COL19A1: variants seen among roughly 807,000 people sequenced by gnomAD.
COL19A1 encodes the protein collagen type XIX alpha 1 chain, also known as collagen alpha-1(XIX) chain.
COL19A1 carries 159 observed loss-of-function variants against 190.2 expected under a neutral mutation model. That is an observed-to-expected ratio of 0.84 (90% confidence interval 0.73 to 0.95). The LOEUF (loss-of-function observed/expected upper bound fraction) is 0.95. COL19A1 is among the 40% of genes least tolerant of loss of function. COL19A1 has a pLI of 0.00. For synonymous variants in COL19A1, 509 were observed against 458.9 expected, an observed-to-expected ratio of 1.11 and a Z score of -1.39; for missense variants, 1,418 against 1,431.9, an observed-to-expected ratio of 0.99 and a Z score of 0.16.
intron 44 of COL19A1, among the ~76,000 whole-genome samples, chr6:70,182,663 A>G (rs917004286): frequency 1.3e-5 from 2 of 152,208 alleles, no homozygotes; most frequent in Non-Finnish European, 2.9e-5. Flanking sequence ...CTGTTTTAAG[A>G]GAAAGGAGAA....
intron 11 of COL19A1, among the ~76,000 whole-genome samples, chr6:69,971,983 A>G (rs1775454531): frequency 6.6e-6 from 1 of 152,224 alleles, no homozygotes; most frequent in African/African-American, 2.4e-5. Context: ...TGAATCCCAC[A>G]AGGTCCTGCA....
chr6:69,977,356 T>G (rs1461289979), intron 11 of COL19A1, among the ~76,000 whole-genome samples: 1 of 126,222 alleles, frequency 7.9e-6, no homozygotes. Context: ...AGGTGGGAGT[T>G]GAACAATGAG....
chr6:70,186,554 A>C (rs1445275323), intron 46 of COL19A1, among the ~76,000 whole-genome samples: 1 of 152,210 alleles, frequency 6.6e-6, no homozygotes, highest in Non-Finnish European at 1.5e-5. Context: ...AGAGAAATTG[A>C]GTTTGCCCTT....
At chr6:70,096,175 G>A (rs1011949432) in intron 15 of COL19A1, among the ~76,000 whole-genome samples, 1 of 150,368 alleles carries the variant, frequency 6.7e-6, no homozygotes, top group South Asian at 2.1e-4. Context: ...TCCACCTCCT[G>A]GGCTGGAGTG....
chr6:70,140,614 C>T (rs1382799901), intron 19 of COL19A1, among the ~76,000 whole-genome samples: 1 of 152,076 alleles, frequency 6.6e-6, no homozygotes, highest in East Asian at 1.9e-4. Flanking sequence ...ATTCCCATTT[C>T]ACATTCAATT....
chr6:70,013,582 A>G (rs1259678443), intron 11 of COL19A1, among the ~76,000 whole-genome samples: 1 of 46,234 alleles, frequency 2.2e-5, no homozygotes, highest in East Asian at 9.9e-4. Context: ...TACTACAAAC[A>G]CCTCTACACA....
intron 35 of COL19A1, among the ~76,000 whole-genome samples, chr6:70,162,275 G>A (rs1055680193): frequency 4.0e-5 from 6 of 151,608 alleles, no homozygotes; most frequent in Non-Finnish European, 5.9e-5. Context: ...CTTTAGAAGA[G>A]ATAGTCAAAT....
At chr6:70,171,795 A>G (rs1343131355) in intron 40 of COL19A1, among the ~76,000 whole-genome samples, 169 bp from the exon 41 acceptor site, 1 of 152,224 alleles carries the variant, frequency 6.6e-6, no homozygotes, top group East Asian at 1.9e-4. Context: ...ATTTTCAAAC[A>G]TCAAATGCAA....
chr6:70,016,892 C>G (rs918878628), intron 11 of COL19A1, among the ~76,000 whole-genome samples: 4 of 151,932 alleles, frequency 2.6e-5, no homozygotes, highest in African/African-American at 7.3e-5. Flanking sequence ...AAATCAGGAA[C>G]CCTAATACAC....
At chr6:70,001,340 T>C (rs193001226) in intron 11 of COL19A1, among the ~76,000 whole-genome samples, 3 of 152,332 alleles carry the variant, frequency 2.0e-5, no homozygotes. Context: ...TAGGATTGTC[T>C]TGGCTATATG....
At chr6:70,068,077 T>G (rs1431907724) in intron 14 of COL19A1, among the ~76,000 whole-genome samples, 1 of 152,206 alleles carries the variant, frequency 6.6e-6, no homozygotes, top group East Asian at 1.9e-4. Context: ...AGTTTAAATG[T>G]ATAAAGAGGT....
rs886859946 is a variant in COL19A1 at position 70,142,919 on chromosome 6, T to C, written c.1626+99T>C. ...GTTCAAGTAACTGAGTTATCCCTCATTTCCCAAAGACATGGGTCATCTATG... is the reference window on the plus strand; with the variant it reads ...GTTCAAGTAACTGAGTTATCCCTCACTTCCCAAAGACATGGGTCATCTATG... On this transcript the variant is annotated intron_variant, in intron 23 of 50. Transcript: ENST00000620364. The C allele has an allele frequency of 8.9e-6, 10 of 1,119,044 alleles. No individual in the cohort carries two copies. In the Admixed American group the frequency reaches 2.1e-4, roughly 24 times the overall value. The allele number at this position is 1,119,044 out of a possible 1,614,324, so 69.3% of individuals were successfully genotyped here. A position where few individuals can be genotyped will look rare whatever the true frequency, so the allele number is the denominator to read the frequency against.
intron 2 of COL19A1, among the ~76,000 whole-genome samples, chr6:69,894,149 G>T (rs1385332850): frequency 3.3e-5 from 5 of 152,174 alleles, no homozygotes; most frequent in South Asian, 2.1e-4. Context: ...ATTTGGCTGA[G>T]AATAAATCTC....
intron 16 of COL19A1, among the ~76,000 whole-genome samples, chr6:70,113,785 T>C (rs1784407072): frequency 6.6e-6 from 1 of 151,644 alleles, no homozygotes; most frequent in Non-Finnish European, 1.5e-5. Flanking sequence ...CTCTTATCCT[T>C]ACCCCTCTCC....
intron 8 of COL19A1, among the ~76,000 whole-genome samples, chr6:69,937,308 A>G (rs73480070): frequency 0.3 from 46,295 of 152,050 alleles, 8,625 homozygotes; most frequent in African/African-American, 0.52. Flanking sequence ...CTTTTTCTGT[A>G]TAGACTGTGT....
chr6:70,070,287 T>C (rs998085468), intron 15 of COL19A1, among the ~76,000 whole-genome samples: 1 of 152,126 alleles, frequency 6.6e-6, no homozygotes, highest in Non-Finnish European at 1.5e-5. Flanking sequence ...GTATTTTCCA[T>C]GATAATAAAG....
At chr6:69,998,644 CAAAAA>C (rs34860121) in intron 11 of COL19A1, among the ~76,000 whole-genome samples, 5 of 67,260 alleles carry the variant, frequency 7.4e-5, no homozygotes, top group Admixed American at 5.0e-4. Flanking sequence ...GACTCCCTCT[CAAAAA>C]AAAAAAAAAA....
chr6:70,184,816 G>A, intron 45 of COL19A1, 55 bp from the exon 46 acceptor site: 30 of 1,607,828 alleles, frequency 1.9e-5, no homozygotes, highest in Non-Finnish European at 2.5e-5. Flanking sequence ...ACATCAATCA[G>A]ACTGATGAAA....
At chr6:70,049,593 A>C (rs188129949) in intron 14 of COL19A1, among the ~76,000 whole-genome samples, 5 of 152,088 alleles carry the variant, frequency 3.3e-5, no homozygotes, top group South Asian at 2.1e-4. Flanking sequence ...CTTCTGTTTC[A>C]AAAGGCATTT....
Sources: allele counts gnomAD v4.1 joint callset (sites outside exome capture counted in the v4.1 genomes callset), GRCh38; gene constraint gnomAD v4.1.1; transcripts MANE v1.5; gene names NCBI Gene and HGNC (gene_info 2026-07-23, HGNC 2026-07-21).